DMD: variants seen among roughly 807,000 people sequenced by gnomAD.
The protein encoded by DMD is dystrophin, also known as mutant dystrophin.
A neutral mutation model predicts 330.1 loss-of-function variants in DMD; 63 were observed. That is an observed-to-expected ratio of 0.19 (90% CI 0.16 to 0.24). DMD has a LOEUF of 0.24. DMD is among the 10% of genes least tolerant of loss of function. DMD has a pLI of 1.00. For missense variants in DMD, 3,344 were observed against 2,684.1 expected (o/e 1.25, Z -5.43); for synonymous variants, 1,223 against 959.8 (o/e 1.27, Z -5.07).
At chrX:32,353,043 CTA>C (rs1270102417) in intron 37 of DMD, among the ~76,000 whole-genome samples, 3 of 110,418 alleles carry the variant, frequency 2.7e-5, no homozygotes, top group Non-Finnish European at 5.7e-5. Context: ...TTAGAACTAC[CTA>C]TATATTAATT....
chrX:32,900,311 G>A (rs1424913687), intron 2 of DMD, among the ~76,000 whole-genome samples: 1 of 111,264 alleles, frequency 9.0e-6, no homozygotes, highest in East Asian at 2.8e-4. Flanking sequence ...GTGGCATGTG[G>A]AGGAGGGCTT....
intron 5 of DMD, among the ~76,000 whole-genome samples, chrX:32,816,990 G>A (rs1427852485): frequency 8.9e-6 from 1 of 111,855 alleles, no homozygotes; most frequent in Non-Finnish European, 1.9e-5. Context: ...GTTAACCAAG[G>A]ACTTAAGATA....
At chrX:32,721,381 T>G (rs924334658) in intron 7 of DMD, among the ~76,000 whole-genome samples, 7 of 110,643 alleles carry the variant, frequency 6.3e-5, no homozygotes, top group Non-Finnish European at 1.1e-4. Context: ...TTATCTCATC[T>G]TTTAGATAAT....
intron 2 of DMD, among the ~76,000 whole-genome samples, chrX:32,983,765 T>C (rs1486433239): frequency 9.0e-6 from 1 of 111,673 alleles, no homozygotes; most frequent in Non-Finnish European, 1.9e-5. Context: ...AAAATGTCAA[T>C]TTTTTTAAAA....
intron 2 of DMD, among the ~76,000 whole-genome samples, chrX:33,005,638 A>G (rs1178360186): frequency 3.6e-5 from 4 of 110,211 alleles, no homozygotes; most frequent in African/African-American, 1.3e-4. Flanking sequence ...ATGAACAAAA[A>G]CACCTATAAT....
At chrX:33,095,157 A>G (rs73621874) in intron 1 of DMD, among the ~76,000 whole-genome samples, 3,587 of 112,570 alleles carry the variant, frequency 0.032, 152 homozygotes, top group African/African-American at 0.11. Context: ...TACAACACAC[A>G]TATGACAACG....
chrX:32,774,351 T>C (rs1469152621), intron 7 of DMD, among the ~76,000 whole-genome samples: 2 of 112,202 alleles, frequency 1.8e-5, no homozygotes, highest in Non-Finnish European at 3.8e-5. Flanking sequence ...ACTGAAACAC[T>C]GATTCCAAGA....
chrX:32,824,615 A>G (rs2078541145), intron 4 of DMD, among the ~76,000 whole-genome samples: 1 of 111,743 alleles, frequency 8.9e-6, no homozygotes, highest in Non-Finnish European at 1.9e-5. Context: ...GATGTGGGGT[A>G]GCTGAATGTT....
At chrX:33,071,697 T>C (rs1569552633) in intron 1 of DMD, among the ~76,000 whole-genome samples, 1 of 111,532 alleles carries the variant, frequency 9.0e-6, no homozygotes, top group Non-Finnish European at 1.9e-5. Flanking sequence ...GCTTTTATCT[T>C]AGACTCTAAT....
chrX:31,128,569 C>T (rs1006272563), intron 77 of DMD, among the ~76,000 whole-genome samples: 2 of 112,229 alleles, frequency 1.8e-5, no homozygotes, highest in African/African-American at 3.2e-5. Context: ...CAGAATGTAA[C>T]GATGATTCTT....
intron 59 of DMD, among the ~76,000 whole-genome samples, chrX:31,458,807 C>A: frequency 9.1e-6 from 1 of 110,199 alleles, no homozygotes; most frequent in African/African-American, 3.3e-5. Context: ...ACCCCTCTTG[C>A]ATACAACAAT....
At chrX:31,434,434 A>ATG (rs2064352402) in intron 60 of DMD, among the ~76,000 whole-genome samples, 1 of 90,268 alleles carries the variant, frequency 1.1e-5, no homozygotes, top group African/African-American at 4.1e-5. Flanking sequence ...ACACACACAC[A>ATG]CACACACACA....
intron 30 of DMD, among the ~76,000 whole-genome samples, chrX:32,394,908 C>CAAAAACAAAAACAAAACAAAAAA (rs1557326692): frequency 0.022 from 813 of 36,797 alleles, 79 homozygotes; most frequent in East Asian, 0.062. Flanking sequence ...GAGCAAAAAA[C>CAAAAACAAAAACAAAACAAAAAA]AAAAAAACAA....
intron 44 of DMD, among the ~76,000 whole-genome samples, chrX:32,085,678 G>A (rs1486745275): frequency 7.7e-5 from 4 of 52,119 alleles, no homozygotes; most frequent in South Asian, 7.3e-4. Flanking sequence ...ATATACACAC[G>A]CGTATATATA....
intron 2 of DMD, among the ~76,000 whole-genome samples, chrX:32,883,736 A>G (rs758553919): frequency 8.1e-5 from 8 of 98,837 alleles, no homozygotes; most frequent in Non-Finnish European, 1.4e-4. Flanking sequence ...AGGCAGGAGA[A>G]TGGCGTGAAC....
chrX:32,567,521 G>A (rs918055530), intron 15 of DMD, among the ~76,000 whole-genome samples: 8 of 111,219 alleles, frequency 7.2e-5, no homozygotes, highest in African/African-American at 2.6e-4. Context: ...TCAGCCTCAC[G>A]AGTAGCTGGT....
At chrX:31,883,951 C>T (rs1218065974) in intron 47 of DMD, among the ~76,000 whole-genome samples, 1 of 110,040 alleles carries the variant, frequency 9.1e-6, no homozygotes, top group African/African-American at 3.3e-5. Flanking sequence ...AATAAGATAT[C>T]ATCTTATACC....
At chrX:32,491,745 C>T (rs892474899) in intron 19 of DMD, among the ~76,000 whole-genome samples, 5 of 111,227 alleles carry the variant, frequency 4.5e-5, no homozygotes, top group African/African-American at 1.3e-4. Context: ...AGTAATAAGA[C>T]ATAAGATGTA....
At chrX:31,410,083 G>C (rs1425335712) in intron 60 of DMD, among the ~76,000 whole-genome samples, 1 of 112,321 alleles carries the variant, frequency 8.9e-6, no homozygotes, top group Non-Finnish European at 1.9e-5. Flanking sequence ...GCCTCCCAAA[G>C]TGCCAGGATT....
Sources: allele counts gnomAD v4.1 joint callset (sites outside exome capture counted in the v4.1 genomes callset), GRCh38; gene constraint gnomAD v4.1.1; transcripts MANE v1.5; gene names NCBI Gene and HGNC (gene_info 2026-07-23, HGNC 2026-07-21).